NAV3: variants seen among roughly 807,000 people sequenced by gnomAD.
NAV3 encodes pore membrane and/or filament interacting like protein 1.
In NAV3, 87 loss-of-function variants were observed where a neutral mutation model predicts 244.7. The observed-to-expected ratio is 0.36, with a 90% CI of 0.30 to 0.42. The LOEUF (loss-of-function observed/expected upper bound fraction) is 0.42. Ranked by LOEUF, NAV3 falls within the 20% of genes least tolerant of loss-of-function variation. The pLI is 1.00. For missense variants in NAV3, 2,663 were observed against 2,893.3 expected, an observed-to-expected ratio of 0.92 and a Z score of 1.83; for synonymous variants, 1,126 against 1,042.2, an observed-to-expected ratio of 1.08 and a Z score of -1.55.
At chr12:77,575,282 T>G (rs1480047586) in intron 2 of NAV3, among the ~76,000 whole-genome samples, 1 of 152,062 alleles carries the variant, frequency 6.6e-6, no homozygotes, top group East Asian at 1.9e-4. Context: ...AAGAGAATAC[T>G]TCTAATAATC....
At chr12:77,721,910 C>T (rs1293334831) in intron 2 of NAV3, among the ~76,000 whole-genome samples, 2 of 152,054 alleles carry the variant, frequency 1.3e-5, no homozygotes, top group East Asian at 3.9e-4. Context: ...TTCAGGACAG[C>T]CAACCCTAAC....
At chr12:78,088,131 C>A (rs919825052) in intron 12 of NAV3, among the ~76,000 whole-genome samples, 1 of 151,108 alleles carries the variant, frequency 6.6e-6, no homozygotes, top group Non-Finnish European at 1.5e-5. Flanking sequence ...TACTTCTTAT[C>A]CACTTAACAT....
At chr12:77,918,014 T>C (rs1335813573) in intron 1 of NAV3, among the ~76,000 whole-genome samples, 3 of 152,086 alleles carry the variant, frequency 2.0e-5, no homozygotes, top group African/African-American at 4.8e-5. Context: ...GTCAGCAGCA[T>C]TGTTTGCCAG....
At chr12:77,982,187 T>G (rs1378974405) in intron 5 of NAV3, among the ~76,000 whole-genome samples, 1 of 152,194 alleles carries the variant, frequency 6.6e-6, no homozygotes, top group Admixed American at 6.6e-5. Flanking sequence ...CACTGTCTAC[T>G]TGGGCAGAGT....
intron 18 of NAV3, chr12:78,130,896 CA>C: frequency 5.3e-6 from 1 of 188,132 alleles, no homozygotes; most frequent in Admixed American, 5.3e-5. Context: ...AGGGCTTGGA[CA>C]AAAATACATC....
intron 12 of NAV3, among the ~76,000 whole-genome samples, chr12:78,086,282 C>T (rs975432278): frequency 6.6e-6 from 1 of 152,012 alleles, no homozygotes; most frequent in African/African-American, 2.4e-5. Context: ...GGAGTCTCTT[C>T]TTCAAGTATA....
At chr12:77,714,593 C>T (rs955346376) in intron 2 of NAV3, among the ~76,000 whole-genome samples, 1 of 152,068 alleles carries the variant, frequency 6.6e-6, no homozygotes, top group East Asian at 1.9e-4. Context: ...AAGGCATGTG[C>T]CCATTAAATA....
At chr12:78,190,851 C>T (rs114181271) in intron 34 of NAV3, among the ~76,000 whole-genome samples, 1,973 of 152,210 alleles carry the variant, frequency 0.013, 33 homozygotes, top group African/African-American at 0.046. Flanking sequence ...TACGGCGTAG[C>T]CTGTACTTTC....
chr12:77,901,363 C>A (rs148309720), intron 1 of NAV3, among the ~76,000 whole-genome samples: 2 of 152,224 alleles, frequency 1.3e-5, no homozygotes, highest in Non-Finnish European at 2.9e-5. Flanking sequence ...TGAGTTCTTA[C>A]AAGTATATCT....
At chr12:77,738,594 T>A (rs1319878378) in intron 2 of NAV3, among the ~76,000 whole-genome samples, 2 of 152,252 alleles carry the variant, frequency 1.3e-5, no homozygotes, top group Non-Finnish European at 2.9e-5. Flanking sequence ...TTGATTTGAA[T>A]GATGATTACA....
At chr12:77,685,455 C>G (rs979462053) in intron 2 of NAV3, among the ~76,000 whole-genome samples, 1 of 139,510 alleles carries the variant, frequency 7.2e-6, no homozygotes, top group Non-Finnish European at 1.5e-5. Context: ...CTTTAAGATA[C>G]TCCCAACGCA....
intron 1 of NAV3, among the ~76,000 whole-genome samples, chr12:77,923,615 A>T (rs779935158): frequency 6.6e-5 from 10 of 152,150 alleles, no homozygotes; most frequent in Non-Finnish European, 1.3e-4. Context: ...CCTATTTGTA[A>T]ATTGTAAAGC....
In NAV3 at chr12:78,006,618, A is replaced by G; in HGVS notation, c.1080A>G (p.Thr360=). 1 of 1,613,986 alleles carries G rather than the reference A, an allele frequency of 6.2e-7. No homozygotes were observed. Among genetic ancestry groups the G allele is most frequent in the Non-Finnish European group, 8.5e-7 (1 of 1,180,002 alleles). Residue 360 remains threonine, a synonymous_variant, in exon 8 of 40, where the codon ACA becomes ACG. Coordinates refer to ENST00000397909, the MANE Select transcript of NAV3 (RefSeq NM_001024383.2). ...AGTCAAGTACAGCCACCTCCCCCAC[A>G]CCATCTTCAGACAGACTGAAGCCAC... ...VKQSSTATSP[T]PSSDRLKPPV...
intron 2 of NAV3, among the ~76,000 whole-genome samples, chr12:77,678,602 T>G (rs1874312289): frequency 6.6e-6 from 1 of 152,206 alleles, no homozygotes; most frequent in Non-Finnish European, 1.5e-5. Context: ...GGTGCTTACT[T>G]GTTCCATTTG....
At position 78,176,461 on chromosome 12, in the gene NAV3, T is replaced by A; in HGVS notation, c.5124+2T>A. The A allele has an allele frequency of 6.2e-7, 1 of 1,612,586 alleles. No homozygotes were observed. The highest frequency in any genetic ancestry group is 8.5e-7 in the Non-Finnish European group (1 of 1,179,188). On this transcript the variant is annotated splice_donor_variant, in intron 26 of 39. Coordinates refer to ENST00000397909, the MANE Select transcript of NAV3 (RefSeq NM_001024383.2). LOFTEE classifies it high-confidence loss of function. ...AAGGTGAACTCTAGAGGAAGTGAGGTGAATATAAACCGTGGACAATTTGGC... is the reference window on the plus strand; with the variant it reads ...AAGGTGAACTCTAGAGGAAGTGAGGAGAATATAAACCGTGGACAATTTGGC...
chr12:77,720,985 G>A (rs1316136829), intron 2 of NAV3, among the ~76,000 whole-genome samples: 2 of 152,158 alleles, frequency 1.3e-5, no homozygotes, highest in South Asian at 2.1e-4. Flanking sequence ...GCTCAGCAGT[G>A]TGGTCTGAGT....
chr12:77,593,287 TGTG>T, intron 2 of NAV3, among the ~76,000 whole-genome samples: 1 of 148,362 alleles, frequency 6.7e-6, no homozygotes, highest in Non-Finnish European at 1.5e-5. Context: ...TGTCTGTGTG[TGTG>T]TGTGTGTGTG....
chr12:78,127,081 A>G (rs994595855), intron 16 of NAV3, 86 bp from the exon 17 acceptor site: 20 of 1,335,574 alleles, frequency 1.5e-5, no homozygotes, highest in African/African-American at 1.3e-4. Flanking sequence ...ATTATTTTTT[A>G]TAGTTCAGAG....
intron 23 of NAV3, among the ~76,000 whole-genome samples, chr12:78,163,621 G>C (rs1957658981): frequency 6.6e-6 from 1 of 152,018 alleles, no homozygotes; most frequent in African/African-American, 2.4e-5. Context: ...CAATCTGGCA[G>C]CATTTTCTGA....
Sources: gnomAD v4.1 joint callset for allele counts (sites outside exome capture counted in the v4.1 genomes callset) on GRCh38, gnomAD v4.1.1 for gene constraint, MANE v1.5 for transcripts, NCBI Gene and HGNC (gene_info 2026-07-23, HGNC 2026-07-21) for gene names.